EXOC3L1: variants seen among roughly 807,000 people sequenced by gnomAD.
EXOC3L1 encodes the protein exocyst complex component 3-like protein.
In EXOC3L1, 79 loss-of-function variants were observed where a neutral mutation model predicts 83.6. The observed-to-expected ratio is 0.95, with a 90% CI of 0.79 to 1.14. The LOEUF (loss-of-function observed/expected upper bound fraction) is 1.14, where lower values mean the gene tolerates loss of function less well. Ranked by LOEUF, EXOC3L1 falls within the 50% of genes most tolerant of loss-of-function variation. The pLI is 0.00. For missense variants in EXOC3L1, 945 were observed against 972.0 expected, an observed-to-expected ratio of 0.97 and a Z score of 0.37; for synonymous variants, 433 against 451.2, an observed-to-expected ratio of 0.96 and a Z score of 0.51.
Position 67,185,481 on chromosome 16 carries a change from C to A in EXOC3L1, c.1506G>T (p.Val502=). ...LNHKSALSSS[V]SVLQLDGAPS... ...GCGCCCCGTCCAGCTGCAGGACAGACACTGAGGAGCTGGACCAAGCAAAAC... is the reference window on the plus strand; with the variant it reads ...GCGCCCCGTCCAGCTGCAGGACAGAAACTGAGGAGCTGGACCAAGCAAAAC... The change falls in exon 10 of 14, where the codon GTG becomes GTT. Residue 502 remains valine (V), a synonymous_variant. Transcript: ENST00000314586. 6.2e-7 allele frequency: 1 copy of A among 1,607,884 alleles called. No homozygotes were observed. Among genetic ancestry groups the A allele is most frequent in the Non-Finnish European group, 8.5e-7 (1 of 1,179,968 alleles).
chr16:67,185,482 ACTGAGGAG>A lies in EXOC3L1; in HGVS notation c.1497_1504del (p.Ser500ValfsTer56). The stretch of plus-strand genomic sequence containing the variant: ...CGCCCCGTCCAGCTGCAGGACAGAC[ACTGAGGAG>A]CTGGACCAAGCAAAACTACGGCTTC... On this transcript the variant is annotated frameshift_variant and splice_region_variant, in exon 10 of 14. Coordinates refer to ENST00000314586, the MANE Select transcript of EXOC3L1 (RefSeq NM_178516.4). LOFTEE classifies it high-confidence loss of function. 6.2e-7 allele frequency: 1 copy of A among 1,607,838 alleles called. No homozygotes were observed. Among genetic ancestry groups the A allele is most frequent in the Admixed American group, 1.7e-5 (1 of 60,024 alleles).
Position 67,187,525 on chromosome 16 carries a change from C to T in EXOC3L1, c.740G>A (p.Arg247His), listed in dbSNP as rs774335850. ...LGQVPRDWRQ[R>H]CLRALQEGLE... ...GCCCTCCTGTAGTGCCCTCAGACAG[C>T]GCTGACGCCAGTCCCGGGGGACCTG... is the stretch of plus-strand genomic sequence containing the variant. Residue 247 changes from arginine (R) to histidine (H), a missense_variant, in exon 5 of 14, where the codon CGC becomes CAC. By Grantham distance (29) the Arg-to-His change is conservative (BLOSUM62 0). Coordinates refer to ENST00000314586, the MANE Select transcript of EXOC3L1 (RefSeq NM_178516.4). 60 of 1,602,098 alleles carry T rather than the reference C, an allele frequency of 3.7e-5. No individual in the cohort carries two copies. Among genetic ancestry groups the T allele is most frequent in the Non-Finnish European group, 4.7e-5 (55 of 1,178,160 alleles).
Position 67,186,312 on chromosome 16 carries a change from T to G in EXOC3L1, c.1421A>C (p.His474Pro). Residue 474 changes from histidine to proline, a missense_variant, in exon 9 of 14, where the codon CAC (histidine) becomes CCC (proline). His to Pro is a moderately conservative substitution (Grantham distance 77). Coordinates refer to ENST00000314586, the MANE Select transcript of EXOC3L1 (RefSeq NM_178516.4). ...SDALIRFSRD[H>P]FRGKSMAPHY... ...AGGGGCCATTGATTTCCCCCTGAAG[T>G]GGTCTCGGGAGAATCGGATCAGAGC... The G allele has an allele frequency of 6.4e-7, 1 of 1,570,534 alleles. No individual in the cohort carries two copies. The highest frequency in any genetic ancestry group is 8.6e-7 in the Non-Finnish European group (1 of 1,156,948).
In EXOC3L1 at chr16:67,189,261, T is replaced by C. The variant is rs533403767; in HGVS notation, c.47-81A>G. Reference sequence around the variant, plus strand: ...CAGTCCCAGCTTTCTTATTTATTTATTTATTTATTTATTTGTTTGTTTATT... The same window carrying C: ...CAGTCCCAGCTTTCTTATTTATTTACTTATTTATTTATTTGTTTGTTTATT... On this transcript the variant is annotated intron_variant, in intron 2 of 13. Transcript: ENST00000314586. 2,117 of 1,266,922 alleles carry C rather than the reference T, an allele frequency of 1.7e-3. 12 individuals are homozygous for C. The highest frequency in any genetic ancestry group is 2.0e-3 in the Non-Finnish European group (1,948 of 964,108). 78.5% of individuals were successfully genotyped at this position (1,266,922 alleles called of 1,614,324 possible). A position where few individuals can be genotyped will look rare whatever the true frequency, so the allele number is the denominator to read the frequency against.
intron 4 of EXOC3L1, 88 bp downstream of exon 4, chr16:67,188,633 C>T (rs1339259818): frequency 1.2e-5 from 15 of 1,296,042 alleles, no homozygotes; most frequent in Non-Finnish European, 1.6e-5. Flanking sequence ...TATGCAGTTC[C>T]CCATCTAGTG....
chr16:67,187,333 G>A lies in EXOC3L1; in HGVS notation c.932C>T (p.Thr311Met), dbSNP rs201873002. 99 of 1,612,948 alleles carry A rather than the reference G, an allele frequency of 6.1e-5. 1 individual carries two copies. Among genetic ancestry groups the A allele is most frequent in the Admixed American group, 5.0e-4 (30 of 60,028 alleles). Residue 311 changes from threonine to methionine, a missense_variant, in exon 5 of 14, where the codon ACG becomes ATG. Coordinates refer to ENST00000314586, the MANE Select transcript of EXOC3L1 (RefSeq NM_178516.4). ...GCTGCGGCGCAAACCACTATGCAGC[G>A]TGTGGGCCCATAGCTGGACCACGTT... is the stretch of plus-strand genomic sequence containing the variant. ...QYNVVQLWAH[T>M]LHSGLRRSLQ...
Position 67,187,473 on chromosome 16 carries a change from A to G in EXOC3L1, c.792T>C (p.Pro264=). The change falls in exon 5 of 14, where the codon CCT becomes CCC. Residue 264 remains proline, a synonymous_variant. Transcript: ENST00000314586. Reference sequence around the variant, plus strand: ...GTAGGGCCCCTGGTGCAGGCAGCAGAGGTGACCCAAAGTGGGCCTGCTCCA... The same window carrying G: ...GTAGGGCCCCTGGTGCAGGCAGCAGGGGTGACCCAAAGTGGGCCTGCTCCA... The part of the protein sequence containing the change: ...EGLEQAHFGS[P]LLPAPGALPG... The G allele has an allele frequency of 6.2e-7, 1 of 1,606,848 alleles. No homozygotes were observed. Among genetic ancestry groups the G allele is most frequent in the Non-Finnish European group, 8.5e-7 (1 of 1,179,590 alleles).
chr16:67,188,900 A>G lies in EXOC3L1; in HGVS notation c.248T>C (p.Val83Ala). The change falls in exon 4 of 14, where the codon GTG becomes GCG. Residue 83 changes from valine (V) to alanine (A), a missense_variant. Coordinates refer to ENST00000314586, the MANE Select transcript of EXOC3L1 (RefSeq NM_178516.4). ...CTCAATGGCCTGGGCCAGCTGCCAC[A>G]CACCAGTCTGCACGCCTTCCAGGTA... is the stretch of plus-strand genomic sequence containing the variant. The part of the protein sequence containing the change: ...QSYLEGVQTG[V>A]WQLAQAIEVV... The G allele has an allele frequency of 3.1e-6, 5 of 1,613,026 alleles. No individual in the cohort carries two copies. Among genetic ancestry groups the G allele is most frequent in the Non-Finnish European group, 4.2e-6 (5 of 1,179,956 alleles).
Position 67,186,771 on chromosome 16 carries a change from G to A in EXOC3L1, c.1272C>T (p.Ala424=), listed in dbSNP as rs754033330. The change falls in exon 7 of 14, where the codon GCC becomes GCT. Residue 424 remains alanine, a synonymous_variant. Coordinates refer to ENST00000314586, the MANE Select transcript of EXOC3L1 (RefSeq NM_178516.4). ...PSGSYYSPMP[A]IVLQILEENI... ...ACTTCCCACCTACCTGCAGCACAAT[G>A]GCTGGCATTGGTGAGTAATAGGAGC... 1 of 1,613,830 alleles carries A rather than the reference G, an allele frequency of 6.2e-7. No individual in the cohort carries two copies. Among genetic ancestry groups the A allele is most frequent in the Non-Finnish European group, 8.5e-7 (1 of 1,180,030 alleles).
intron 2 of EXOC3L1, among the ~76,000 whole-genome samples, 170 bp downstream of exon 2, chr16:67,189,461 G>A (rs2032824056): frequency 6.6e-6 from 1 of 152,144 alleles, no homozygotes; most frequent in African/African-American, 2.4e-5. Context: ...ATTTTTAGTA[G>A]AGACGGGGTT....
At position 67,185,473 on chromosome 16, in the gene EXOC3L1, A is replaced by T; in HGVS notation, c.1514T>A (p.Leu505Gln). The change falls in exon 10 of 14, where the codon CTG (leucine) becomes CAG (glutamine). Residue 505 changes from leucine to glutamine, a missense_variant. Transcript: ENST00000314586. Reference protein sequence around the residue: ...KSALSSSVSVLQLDGAPSGAL... With the variant: ...KSALSSSVSVQQLDGAPSGAL... The stretch of plus-strand genomic sequence containing the variant: ...CCCTGAAGGCGCCCCGTCCAGCTGC[A>T]GGACAGACACTGAGGAGCTGGACCA... 6.2e-7 allele frequency: 1 copy of T among 1,609,158 alleles called. No individual in the cohort carries two copies.
In EXOC3L1 at chr16:67,187,824, C is replaced by G; in HGVS notation, c.441G>C (p.Val147=). The G allele has an allele frequency of 6.3e-7, 1 of 1,595,804 alleles. No homozygotes were observed. The highest frequency in any genetic ancestry group is 1.1e-5 in the South Asian group (1 of 89,454). ...LPRLRAVPAA[V]SHTQTLIDGQ... ...CATCAATCAGAGTCTGTGTGTGGGA[C>G]ACTGCAGCCGGCACTAATGAGAGTG... The change falls in exon 5 of 14, where the codon GTG becomes GTC. Residue 147 remains valine, a synonymous_variant. Coordinates refer to ENST00000314586, the MANE Select transcript of EXOC3L1 (RefSeq NM_178516.4).
At chr16:67,185,868 T>C (rs2032700326) in intron 9 of EXOC3L1, among the ~76,000 whole-genome samples, 1 of 152,200 alleles carries the variant, frequency 6.6e-6, no homozygotes, top group African/African-American at 2.4e-5. Flanking sequence ...TGTGTGTGTG[T>C]GTGCGTGTAT....
At chr16:67,186,738 G>C in intron 7 of EXOC3L1, 21 bp downstream of exon 7, 1 of 1,613,758 alleles carries the variant, frequency 6.2e-7, no homozygotes, top group Admixed American at 1.7e-5. Context: ...CTGCCTGCCT[G>C]TCTGGCCACT....
chr16:67,185,592 G>C (rs1319952615), intron 9 of EXOC3L1, 102 bp from the exon 10 acceptor site: 11 of 1,104,788 alleles, frequency 1.0e-5, no homozygotes, highest in Non-Finnish European at 1.5e-5. Flanking sequence ...AGTGTTTGAC[G>C]GGAGGGAGCG....
At chr16:67,188,317 A>G (rs1199926533) in intron 4 of EXOC3L1, among the ~76,000 whole-genome samples, 1 of 152,168 alleles carries the variant, frequency 6.6e-6, no homozygotes, top group Admixed American at 6.5e-5. Context: ...GTACTGGCCA[A>G]TCTAAGAGGA....
At chr16:67,188,599 TG>T in intron 4 of EXOC3L1, 121 bp downstream of exon 4, 2 of 931,866 alleles carry the variant, frequency 2.1e-6, no homozygotes, top group Non-Finnish European at 3.2e-6. Flanking sequence ...GGCTACTGTC[TG>T]GGAGGTCCCT....
chr16:67,187,618 TC>T lies in EXOC3L1; in HGVS notation c.646del (p.Asp216ThrfsTer34). 6 of 1,608,352 alleles carry T rather than the reference TC, an allele frequency of 3.7e-6. No individual in the cohort carries two copies. The highest frequency in any genetic ancestry group is 5.1e-6 in the Non-Finnish European group (6 of 1,178,018). ...CACAGCAGCCACCAACAGGGCTGGG[TC>T]CTCCCGTGCCAGCTTCCCTGCGGCC... is the stretch of plus-strand genomic sequence containing the variant. ...AGAAGKLARE[D>X]PALLVAAVRV... On this transcript the variant is annotated frameshift_variant, in exon 5 of 14. Coordinates refer to ENST00000314586, the MANE Select transcript of EXOC3L1 (RefSeq NM_178516.4). LOFTEE classifies it high-confidence loss of function.
intron 1 of EXOC3L1, 46 bp from the exon 2 acceptor site, chr16:67,189,729 T>G: frequency 6.3e-7 from 1 of 1,585,954 alleles, no homozygotes; most frequent in Admixed American, 1.7e-5. Flanking sequence ...GCAGGCAGAG[T>G]AGATGCCCCT....
Sources: allele counts gnomAD v4.1 joint callset (sites outside exome capture counted in the v4.1 genomes callset), GRCh38; gene constraint gnomAD v4.1.1; transcripts MANE v1.5; gene names NCBI Gene and HGNC (gene_info 2026-07-23, HGNC 2026-07-21).